TCF12: variants seen among roughly 807,000 people sequenced by gnomAD.
TCF12 encodes the protein DNA-binding protein HTF4.
A neutral mutation model predicts 86.0 loss-of-function variants in TCF12; 45 were observed. The ratio of observed to expected loss-of-function variants is 0.52; its 90% CI spans 0.41 to 0.67. TCF12 has a LOEUF of 0.67. TCF12 is among the 30% of genes least tolerant of loss of function. The pLI, the probability that TCF12 is intolerant of heterozygous loss-of-function variation, is 0.00. For missense variants in TCF12, 881 were observed against 859.9 expected (o/e 1.02, Z -0.31); for synonymous variants, 330 against 299.6 (o/e 1.10, Z -1.05).
intron 3 of TCF12, among the ~76,000 whole-genome samples, chr15:56,967,254 G>C (rs919253079): frequency 2.0e-5 from 3 of 151,466 alleles, no homozygotes; most frequent in Non-Finnish European, 4.4e-5. Context: ...ACATTGTTTT[G>C]ACTACCTGTG....
At chr15:57,061,056 C>A (rs149956905) in intron 3 of TCF12, among the ~76,000 whole-genome samples, 1,655 of 152,298 alleles carry the variant, frequency 0.011, 17 homozygotes, top group Non-Finnish European at 0.017. Context: ...ATTCTTTGAG[C>A]CCCTTGTCAT....
At chr15:57,002,297 C>T (rs1221362378) in intron 3 of TCF12, among the ~76,000 whole-genome samples, 1 of 152,074 alleles carries the variant, frequency 6.6e-6, no homozygotes, top group African/African-American at 2.4e-5. Context: ...TCTTACTGTC[C>T]AGAAAATTGA....
chr15:57,280,826 A>G (rs1026802299), intron 19 of TCF12, among the ~76,000 whole-genome samples: 30 of 152,136 alleles, frequency 2.0e-4, no homozygotes, highest in African/African-American at 6.5e-4. Flanking sequence ...AAAAAATACT[A>G]TTTTCATTCT....
intron 6 of TCF12, among the ~76,000 whole-genome samples, chr15:57,170,740 ATATATTATATAT>A (rs1567559467): frequency 1.7e-4 from 6 of 35,870 alleles, no homozygotes; most frequent in Non-Finnish European, 3.2e-4. Context: ...TATATATAAT[ATATATTATATAT>A]TATATATTAT....
chr15:57,274,180 A>G (rs189390268), intron 19 of TCF12, among the ~76,000 whole-genome samples: 2 of 152,106 alleles, frequency 1.3e-5, no homozygotes, highest in Admixed American at 1.3e-4. Context: ...GGTTCAAAAA[A>G]GAATAGGGTG....
At chr15:57,139,147 T>G (rs2151392180) in intron 5 of TCF12, among the ~76,000 whole-genome samples, 1 of 152,270 alleles carries the variant, frequency 6.6e-6, no homozygotes, top group South Asian at 2.1e-4. Context: ...TCTCTCTCCC[T>G]TCTCACCTCT....
chr15:56,956,226 C>G (rs2061499442), intron 3 of TCF12, among the ~76,000 whole-genome samples: 1 of 151,478 alleles, frequency 6.6e-6, no homozygotes, highest in Non-Finnish European at 1.5e-5. Context: ...ATTGATATGA[C>G]TGTGTTTGAA....
In TCF12 at chr15:57,231,367, T is replaced by A. The variant is rs1202993498; in HGVS notation, c.685+110T>A. 5.4e-5 allele frequency: 35 copies of A among 643,688 alleles called. No individual in the cohort carries two copies. In the Admixed American group the frequency reaches 8.3e-4, roughly 15 times the overall value. 39.9% of individuals were successfully genotyped at this position (643,688 alleles called of 1,614,324 possible). On this transcript the variant is annotated intron_variant, in intron 9 of 20. Coordinates refer to ENST00000333725, the MANE Select transcript of TCF12 (RefSeq NM_207037.2). ...CTATATTCAGGCCTTATTTAGGCAT[T>A]TTTTTTGGCTAAATTAAAATTTAGC...
In TCF12 at chr15:57,019,710, A is replaced by C. The variant is rs973175643; in HGVS notation, c.149-44040A>C. ...GAAAAATTTTGAAAAACATCTCAAA[A>C]GACCAGCCTTAGGTTCTCAATAGTG... On this transcript the variant is annotated intron_variant, in intron 3 of 20. Transcript: ENST00000333725. Among the ~76,000 whole-genome samples, 7 of 152,170 alleles carry C rather than the reference A, an allele frequency of 4.6e-5. No individual in the cohort carries two copies. In the East Asian group the frequency reaches 7.7e-4, roughly 17 times the overall value.
rs776451977 is a variant in TCF12 at position 57,273,013 on chromosome 15, G to C, written c.1746-17G>C. ...TATAGGAAACCTAATAGACCTTGTT[G>C]TTACTTTATTTTCTAGCAGTACTAA... On this transcript the variant is annotated splice_polypyrimidine_tract_variant and intron_variant, in intron 18 of 20. Coordinates refer to ENST00000333725, the MANE Select transcript of TCF12 (RefSeq NM_207037.2). 1 of 1,610,202 alleles carries C rather than the reference G, an allele frequency of 6.2e-7. No homozygotes were observed. The highest frequency in any genetic ancestry group is 8.5e-7 in the Non-Finnish European group (1 of 1,177,158).
intron 3 of TCF12, among the ~76,000 whole-genome samples, chr15:57,044,592 A>T (rs2141487357): frequency 6.6e-6 from 1 of 151,902 alleles, no homozygotes. Context: ...TTCTTTTCTA[A>T]CTATTGTAAT....
rs772076237 is a variant in TCF12, at chr15:57,197,808, C to G, written c.562C>G (p.Pro188Ala). The G allele has an allele frequency of 1.9e-6, 3 of 1,613,850 alleles. No homozygotes were observed. The highest frequency in any genetic ancestry group is 2.2e-5 in the East Asian group (1 of 44,854). Residue 188 changes from proline to alanine, a missense_variant, in exon 8 of 21, where the codon CCT (proline) becomes GCT (alanine). By Grantham distance (27) the Pro-to-Ala change is conservative. Around this residue, in one of 3 missense-constraint regions of TCF12, gnomAD observed 766 missense variants for 718.9 expected, o/e 1.07. Transcript: ENST00000333725. ...LQAKKVRKVP[P>A]GLPSSVYAPS... ...AGCAAAAAAAGTCAGAAAGGTGCCTCCTGGTTTGCCTTCTTCTGTAAGTAC... is the reference window on the plus strand; with the variant it reads ...AGCAAAAAAAGTCAGAAAGGTGCCTGCTGGTTTGCCTTCTTCTGTAAGTAC...
intron 3 of TCF12, among the ~76,000 whole-genome samples, chr15:56,990,626 T>A (rs1192113597): frequency 1.3e-5 from 2 of 152,150 alleles, no homozygotes; most frequent in Non-Finnish European, 1.5e-5. Flanking sequence ...TTAACACTAC[T>A]CTACATATCT....
intron 12 of TCF12, 62 bp downstream of exon 12, chr15:57,234,169 A>G: frequency 3.9e-6 from 5 of 1,273,940 alleles, no homozygotes; most frequent in Non-Finnish European, 5.7e-6. Context: ...CAGTGATTAG[A>G]TTTTGTAGGT....
chr15:57,042,035 T>A (rs761461379), intron 3 of TCF12, among the ~76,000 whole-genome samples: 2 of 152,242 alleles, frequency 1.3e-5, no homozygotes, highest in Non-Finnish European at 2.9e-5. Flanking sequence ...TATATTAATA[T>A]AATTGCCATT....
chr15:57,040,385 A>G (rs1429624666), intron 3 of TCF12, among the ~76,000 whole-genome samples: 1 of 152,212 alleles, frequency 6.6e-6, no homozygotes, highest in African/African-American at 2.4e-5. Flanking sequence ...TGTCTTCACC[A>G]GTGGATTCAG....
chr15:57,075,856 T>C (rs528215105), intron 4 of TCF12, among the ~76,000 whole-genome samples: 2 of 133,430 alleles, frequency 1.5e-5, no homozygotes, highest in East Asian at 2.6e-4. Flanking sequence ...TCTTTCTTTC[T>C]TTCTTTCCAT....
intron 18 of TCF12, among the ~76,000 whole-genome samples, chr15:57,271,285 C>G (rs184641697): frequency 6.6e-6 from 1 of 152,346 alleles, no homozygotes; most frequent in African/African-American, 2.4e-5. Flanking sequence ...CTACTCAAGC[C>G]TCAGTAATGG....
intron 8 of TCF12, among the ~76,000 whole-genome samples, chr15:57,223,585 G>A (rs2058702679): frequency 7.3e-6 from 1 of 136,648 alleles, no homozygotes; most frequent in Non-Finnish European, 1.5e-5. Flanking sequence ...TCTTCTAATA[G>A]AATTAATCAT....
Sources: allele counts gnomAD v4.1 joint callset (sites outside exome capture counted in the v4.1 genomes callset), GRCh38; gene constraint gnomAD v4.1.1; regional missense constraint gnomAD v4.1.1; transcripts MANE v1.5; gene names NCBI Gene and HGNC (gene_info 2026-07-23, HGNC 2026-07-21).